The following ADAM23 variants were observed in gnomAD, a reference collection of about 807,000 sequenced individuals.
The protein encoded by ADAM23 is ADAM metallopeptidase domain 23.
A neutral mutation model predicts 120.1 loss-of-function variants in ADAM23; 33 were observed. That is an observed-to-expected ratio of 0.27 (90% confidence interval 0.21 to 0.37). The LOEUF (loss-of-function observed/expected upper bound fraction) is 0.37. ADAM23 is among the 10% of genes least tolerant of loss of function. ADAM23 has a pLI of 1.00. For missense variants in ADAM23, 862 were observed against 1,058.2 expected (o/e 0.81, Z 2.57); for synonymous variants, 367 against 375.2 (o/e 0.98, Z 0.25).
intron 2 of ADAM23, among the ~76,000 whole-genome samples, chr2:206,480,534 T>G (rs1695875847): frequency 6.6e-6 from 1 of 152,088 alleles, no homozygotes; most frequent in Non-Finnish European, 1.5e-5. Flanking sequence ...AAAACTTTAT[T>G]GATTTGTTAA....
intron 6 of ADAM23, among the ~76,000 whole-genome samples, chr2:206,545,947 A>G (rs150081093): frequency 8.5e-5 from 13 of 152,344 alleles, no homozygotes; most frequent in East Asian, 3.9e-4. Flanking sequence ...ATAAAATGAG[A>G]TAATTTTTAA....
chr2:206,465,067 A>C (rs1011733738), intron 2 of ADAM23, among the ~76,000 whole-genome samples: 6 of 151,632 alleles, frequency 4.0e-5, no homozygotes, highest in Non-Finnish European at 8.8e-5. Context: ...TTTCTTAGAG[A>C]TGGGTTTTTG....
chr2:206,604,360 T>G (rs1458307298), intron 24 of ADAM23, among the ~76,000 whole-genome samples: 1 of 152,216 alleles, frequency 6.6e-6, no homozygotes, highest in African/African-American at 2.4e-5. Context: ...TTTTTAAAAA[T>G]GAGGCTTCAT....
At position 206,609,852 on chromosome 2, in the gene ADAM23, T is replaced by G. The variant is rs752302595; in HGVS notation, c.2360-58T>G. On this transcript the variant is annotated intron_variant, in intron 24 of 25. Transcript: ENST00000264377. ...CTGAAACTGCTTAACTGCCTTTCCC[T>G]TGTGGTAACGAAAGTGGTTGGTTCA... 2.2e-4 allele frequency: 313 copies of G among 1,435,412 alleles called. 1 individual carries two copies. Among genetic ancestry groups the G allele is most frequent in the Non-Finnish European group, 2.8e-4 (297 of 1,052,640 alleles). 88.9% of individuals were successfully genotyped at this position (1,435,412 alleles called of 1,614,324 possible).
At chr2:206,487,351 C>T (rs1035023588) in intron 3 of ADAM23, among the ~76,000 whole-genome samples, 1 of 152,026 alleles carries the variant, frequency 6.6e-6, no homozygotes, top group African/African-American at 2.4e-5. Flanking sequence ...AGGGAGGGGT[C>T]CACTATGTAA....
intron 8 of ADAM23, 128 bp from the exon 9 acceptor site, chr2:206,549,967 A>G: frequency 2.1e-6 from 1 of 487,104 alleles, no homozygotes; most frequent in Middle Eastern, 3.2e-4. Context: ...ACTTTCTTCT[A>G]AGGTGTTTAT....
At chr2:206,553,645 T>A (rs1317736541) in intron 9 of ADAM23, among the ~76,000 whole-genome samples, 1 of 152,024 alleles carries the variant, frequency 6.6e-6, no homozygotes, top group African/African-American at 2.4e-5. Context: ...CTGAAAAAAA[T>A]TTTTTGAGGT....
chr2:206,604,453 T>C (rs1389632626), intron 24 of ADAM23, among the ~76,000 whole-genome samples: 3 of 152,068 alleles, frequency 2.0e-5, no homozygotes, highest in Non-Finnish European at 4.4e-5. Context: ...TTCTAATGTA[T>C]TGTCATAGTG....
chr2:206,494,816 T>C (rs1271037971), intron 3 of ADAM23, among the ~76,000 whole-genome samples: 2 of 151,962 alleles, frequency 1.3e-5, no homozygotes, highest in Non-Finnish European at 1.5e-5. Flanking sequence ...AAAATGTACA[T>C]GTGAAAACCA....
chr2:206,601,304 C>T (rs1698636555), intron 24 of ADAM23, among the ~76,000 whole-genome samples: 1 of 152,140 alleles, frequency 6.6e-6, no homozygotes, highest in African/African-American at 2.4e-5. Flanking sequence ...CTCATCAAAT[C>T]AGAAATGAAA....
chr2:206,470,376 G>C (rs757048053), intron 2 of ADAM23, among the ~76,000 whole-genome samples: 2 of 152,092 alleles, frequency 1.3e-5, no homozygotes, highest in Non-Finnish European at 2.9e-5. Context: ...TATCATTTGC[G>C]TATGAAAATA....
chr2:206,584,896 G>T (rs1043996088), intron 18 of ADAM23, among the ~76,000 whole-genome samples: 5 of 152,234 alleles, frequency 3.3e-5, no homozygotes, highest in Admixed American at 6.5e-5. Context: ...CGGGGACCCA[G>T]TGAACTCTCA....
At chr2:206,498,000 G>A (rs1051579760) in intron 3 of ADAM23, among the ~76,000 whole-genome samples, 27 of 151,994 alleles carry the variant, frequency 1.8e-4, no homozygotes, top group African/African-American at 3.6e-4. Context: ...GAAATAAAAG[G>A]GGATACAAAC....
chr2:206,595,459 G>T (rs1329921743), intron 23 of ADAM23, among the ~76,000 whole-genome samples: 1 of 150,064 alleles, frequency 6.7e-6, no homozygotes, highest in African/African-American at 2.4e-5. Flanking sequence ...AGAAAAGAGG[G>T]TTACCAAGGA....
chr2:206,611,380 G>A (rs1698824086), intron 25 of ADAM23, among the ~76,000 whole-genome samples: 1 of 152,164 alleles, frequency 6.6e-6, no homozygotes, highest in African/African-American at 2.4e-5. Flanking sequence ...AGTCACGCAT[G>A]TGGCATCTAG....
At chr2:206,598,649 A>G (rs1698575817) in intron 24 of ADAM23, among the ~76,000 whole-genome samples, 1 of 152,200 alleles carries the variant, frequency 6.6e-6, no homozygotes, top group African/African-American at 2.4e-5. Flanking sequence ...CTGTAATCCC[A>G]AGACTTTGGG....
At chr2:206,590,344 C>T (rs561915916) in intron 21 of ADAM23, among the ~76,000 whole-genome samples, 3 of 152,162 alleles carry the variant, frequency 2.0e-5, no homozygotes, top group Non-Finnish European at 4.4e-5. Context: ...GTGATCCGCC[C>T]TCCTCAGCCT....
At chr2:206,499,023 T>C (rs1319668857) in intron 3 of ADAM23, among the ~76,000 whole-genome samples, 1 of 151,922 alleles carries the variant, frequency 6.6e-6, no homozygotes, top group African/African-American at 2.4e-5. Flanking sequence ...TGTGGAGAAA[T>C]AGGAACACTT....
intron 6 of ADAM23, 126 bp from the exon 7 acceptor site, chr2:206,547,303 A>T: frequency 1.6e-6 from 1 of 643,264 alleles, no homozygotes; most frequent in Non-Finnish European, 2.5e-6. Flanking sequence ...TTCACTTTTG[A>T]TAGCTAAAAA....
Sources: allele counts gnomAD v4.1 joint callset (sites outside exome capture counted in the v4.1 genomes callset), GRCh38; gene constraint gnomAD v4.1.1; transcripts MANE v1.5; gene names NCBI Gene and HGNC (gene_info 2026-07-23, HGNC 2026-07-21).